The following ZC3H12B variants were observed in gnomAD, a reference collection of about 807,000 sequenced individuals.
ZC3H12B encodes probable ribonuclease ZC3H12B.
Under a neutral mutation model 43.9 loss-of-function variants are expected in ZC3H12B, and 7 were observed. That is an observed-to-expected ratio of 0.16 (90% CI 0.09 to 0.30). The LOEUF is 0.30. Among genes scored for constraint, ZC3H12B ranks in the 10% least tolerant of loss-of-function variants. The pLI, the probability that ZC3H12B is intolerant of heterozygous loss-of-function variation, is 1.00. For missense variants in ZC3H12B, 475 were observed against 670.2 expected, an observed-to-expected ratio of 0.71 and a Z score of 3.22; for synonymous variants, 222 against 241.7, an observed-to-expected ratio of 0.92 and a Z score of 0.76.
intron 2 of ZC3H12B, among the ~76,000 whole-genome samples, chrX:65,380,134 C>G (rs1349618778): frequency 9.0e-6 from 1 of 111,420 alleles, no homozygotes; most frequent in East Asian, 2.8e-4. Context: ...TTGAGAAGAG[C>G]AACACCAACA....
At chrX:65,258,075 AC>A in the ZC3H12B span, among the ~76,000 whole-genome samples, 1 of 111,781 alleles carries the variant, frequency 8.9e-6, no homozygotes, top group African/African-American at 3.2e-5. Flanking sequence ...CCTGGCAGAC[AC>A]ACACACAAAA....
chrX:65,456,320 G>T (rs1263520537), intron 3 of ZC3H12B, among the ~76,000 whole-genome samples: 1 of 109,046 alleles, frequency 9.2e-6, no homozygotes, highest in Non-Finnish European at 1.9e-5. Flanking sequence ...AAAGGCAGGG[G>T]TTGCAATCCT....
chrX:65,301,544 T>C, the ZC3H12B span, among the ~76,000 whole-genome samples: 1 of 109,193 alleles, frequency 9.2e-6, no homozygotes. Flanking sequence ...AATGAAATAA[T>C]GGCATTTGCA....
intron 3 of ZC3H12B, among the ~76,000 whole-genome samples, chrX:65,419,185 C>T (rs2066991680): frequency 9.0e-6 from 1 of 111,694 alleles, no homozygotes; most frequent in Admixed American, 9.5e-5. Flanking sequence ...TGGTAGAATC[C>T]CCACATCAGT....
chrX:65,072,805 G>T, the ZC3H12B span, among the ~76,000 whole-genome samples: 1 of 112,100 alleles, frequency 8.9e-6, no homozygotes, highest in Non-Finnish European at 1.9e-5. Context: ...AGGTGCCAGG[G>T]TGCAGGCCTC....
At chrX:65,143,120 C>T in the ZC3H12B span, among the ~76,000 whole-genome samples, 2 of 110,843 alleles carry the variant, frequency 1.8e-5, no homozygotes, top group Admixed American at 1.9e-4. Context: ...AATATTAATT[C>T]TACCTATCTA....
chrX:65,500,521 G>C (rs1029199695), intron 4 of ZC3H12B, among the ~76,000 whole-genome samples: 2 of 111,565 alleles, frequency 1.8e-5, no homozygotes, highest in African/African-American at 6.5e-5. Context: ...TCCGCTTCCC[G>C]GGTTTAAGCG....
the ZC3H12B span, among the ~76,000 whole-genome samples, chrX:65,160,149 G>T: frequency 8.9e-6 from 1 of 111,744 alleles, no homozygotes; most frequent in Admixed American, 9.6e-5. Flanking sequence ...TTGATGTGCT[G>T]CTGGATTCGA....
intron 2 of ZC3H12B, among the ~76,000 whole-genome samples, chrX:65,391,659 C>T (rs1210801142): frequency 9.0e-6 from 1 of 111,332 alleles, no homozygotes; most frequent in African/African-American, 3.3e-5. Context: ...TCCATGGACA[C>T]TGAGTCCTGC....
At chrX:65,456,490 C>G (rs1181835503) in intron 3 of ZC3H12B, among the ~76,000 whole-genome samples, 1 of 99,005 alleles carries the variant, frequency 1.0e-5, no homozygotes, top group African/African-American at 3.7e-5. Flanking sequence ...TGATGCCGAG[C>G]CAAAGCTGGA....
chrX:65,444,681 G>A (rs752948954), intron 3 of ZC3H12B, among the ~76,000 whole-genome samples: 133 of 112,139 alleles, frequency 1.2e-3, no homozygotes, highest in African/African-American at 4.1e-3. Flanking sequence ...AAATGTGAAA[G>A]CAACTTTGGA....
the ZC3H12B span, among the ~76,000 whole-genome samples, chrX:65,136,118 ATTTTTGC>A: frequency 9.0e-6 from 1 of 111,473 alleles, no homozygotes; most frequent in African/African-American, 3.3e-5. Context: ...AAACCTCAGA[ATTTTTGC>A]TTTATGTGAT....
chrX:65,373,884 A>T (rs183062863), intron 2 of ZC3H12B, among the ~76,000 whole-genome samples: 336 of 7,240 alleles, frequency 0.046, 2 homozygotes, highest in Non-Finnish European at 0.087. Flanking sequence ...CCTAGAACTT[A>T]AAGTATAGTA....
the ZC3H12B span, among the ~76,000 whole-genome samples, chrX:65,251,871 T>C: frequency 8.1e-5 from 9 of 111,717 alleles, no homozygotes; most frequent in East Asian, 5.6e-4. Context: ...TACAATCATG[T>C]CATCTGCAAA....
the ZC3H12B span, among the ~76,000 whole-genome samples, chrX:65,193,361 CTTAG>C: frequency 2.7e-5 from 3 of 111,426 alleles, no homozygotes; most frequent in African/African-American, 9.8e-5. Flanking sequence ...ATGGTTCAAT[CTTAG>C]TTGGTTGTAT....
At chrX:65,357,199 C>T in the ZC3H12B span, 1 of 406,208 alleles carries the variant, frequency 2.5e-6, no homozygotes, top group Non-Finnish European at 4.6e-6. Flanking sequence ...ATAAATTTCC[C>T]TCTCAGGGTG....
At chrX:65,136,639 C>T in the ZC3H12B span, among the ~76,000 whole-genome samples, 1 of 111,077 alleles carries the variant, frequency 9.0e-6, no homozygotes, top group Non-Finnish European at 1.9e-5. Flanking sequence ...ATTGTCTGTC[C>T]CAATGGCATT....
the ZC3H12B span, among the ~76,000 whole-genome samples, chrX:65,307,507 G>C: frequency 2.7e-3 from 304 of 111,886 alleles, 3 homozygotes; most frequent in African/African-American, 9.4e-3. Flanking sequence ...GAAATCAAAA[G>C]TCTTGAAGAG....
chrX:65,371,178 T>A (rs1362473933), intron 2 of ZC3H12B, among the ~76,000 whole-genome samples: 1 of 112,241 alleles, frequency 8.9e-6, no homozygotes, highest in African/African-American at 3.2e-5. Context: ...TATTTCTCTG[T>A]TGTGAATTAT....
Sources: allele counts gnomAD v4.1 joint callset (sites outside exome capture counted in the v4.1 genomes callset), GRCh38; gene constraint gnomAD v4.1.1; transcripts MANE v1.5; gene names NCBI Gene and HGNC (gene_info 2026-07-23, HGNC 2026-07-21).